XKR4: variants seen among roughly 807,000 people sequenced by gnomAD.
XKR4 encodes XK related 4.
Under a neutral mutation model 53.9 loss-of-function variants are expected in XKR4, and 12 were observed. The observed-to-expected ratio is 0.22, with a 90% CI of 0.14 to 0.36. XKR4 has a LOEUF of 0.36. Ranked by LOEUF, XKR4 falls within the 10% of genes least tolerant of loss-of-function variation. The probability of loss-of-function intolerance (pLI) is 1.00; values close to 1 mark genes in which losing one functional copy is unlikely to be tolerated. For missense variants in XKR4, 799 were observed against 859.5 expected, an observed-to-expected ratio of 0.93 and a Z score of 0.88; for synonymous variants, 354 against 362.4, an observed-to-expected ratio of 0.98 and a Z score of 0.26.
chr8:55,147,355 C>T lies in XKR4; in HGVS notation c.806+44061C>T, dbSNP rs149809107. On this transcript the variant is annotated intron_variant, in intron 1 of 2. Transcript: ENST00000327381. ...GAAAGCCTTGGGCCACTTAGGTGGA[C>T]CAGCCTCAAGAGTGAGCTGAGAATG... 1.6e-3 allele frequency among the ~76,000 whole-genome samples: 251 copies of T among 152,330 alleles called. 3 individuals are homozygous for T. In the South Asian group the frequency reaches 0.021, roughly 13 times the overall value.
chr8:55,372,957 T>G (rs550179890), intron 2 of XKR4, among the ~76,000 whole-genome samples: 1 of 152,278 alleles, frequency 6.6e-6, no homozygotes, highest in East Asian at 1.9e-4. Context: ...TCAATTGGTA[T>G]GTAAACGTTT....
At chr8:55,161,597 A>G (rs2129357122) in intron 1 of XKR4, 1 of 456,344 alleles carries the variant, frequency 2.2e-6, no homozygotes, top group Admixed American at 2.3e-5. Context: ...CATTTGTTAG[A>G]TGTGGACGAA....
At chr8:55,236,213 C>T (rs1305670763) in intron 1 of XKR4, among the ~76,000 whole-genome samples, 3 of 152,134 alleles carry the variant, frequency 2.0e-5, no homozygotes, top group Non-Finnish European at 4.4e-5. Flanking sequence ...CAGATCCTGG[C>T]AAAACAAAGA....
At chr8:55,222,329 A>G (rs1232203834) in intron 1 of XKR4, among the ~76,000 whole-genome samples, 1 of 152,188 alleles carries the variant, frequency 6.6e-6, no homozygotes, top group Non-Finnish European at 1.5e-5. Flanking sequence ...GTCCTATTGC[A>G]CTTTTAAAAC....
intron 1 of XKR4, among the ~76,000 whole-genome samples, chr8:55,185,727 C>T (rs1817368541): frequency 1.3e-5 from 2 of 152,192 alleles, no homozygotes. Flanking sequence ...CTATGTGCCT[C>T]ATGGCTCTAG....
chr8:55,204,395 T>C (rs541603998), intron 1 of XKR4, among the ~76,000 whole-genome samples: 2 of 152,358 alleles, frequency 1.3e-5, no homozygotes, highest in South Asian at 2.1e-4. Flanking sequence ...TATAATTTTT[T>C]CTTTTAAATA....
chr8:55,192,508 A>G (rs1386109113), intron 1 of XKR4, among the ~76,000 whole-genome samples: 3 of 152,172 alleles, frequency 2.0e-5, no homozygotes, highest in Non-Finnish European at 4.4e-5. Context: ...TTGAAAAGAA[A>G]GTCCAACTTT....
chr8:55,103,840 C>CA lies in XKR4; in HGVS notation c.806+549dup, dbSNP rs139121860. Among the ~76,000 whole-genome samples the CA allele has an allele frequency of 9.0e-3, 1,100 of 121,972 alleles. 13 individuals are homozygous for CA. The highest frequency in any genetic ancestry group is 0.031 in the African/African-American group (1,042 of 33,096). 80.0% of individuals were successfully genotyped at this position (121,972 alleles called of 152,430 possible). A position where few individuals can be genotyped will look rare whatever the true frequency, so the allele number is the denominator to read the frequency against. On this transcript the variant is annotated intron_variant, in intron 1 of 2. Transcript: ENST00000327381. ...TACTCAAAGTAAAGATCCTAATAGG[C>CA]AAATGACTTTGTATATATATATATA...
intron 2 of XKR4, among the ~76,000 whole-genome samples, chr8:55,369,602 C>G (rs1804044081): frequency 6.6e-6 from 1 of 151,770 alleles, no homozygotes; most frequent in African/African-American, 2.4e-5. Context: ...GAATAAAAAT[C>G]TTGCCCCTAA....
In XKR4 at chr8:55,318,316, T is replaced by TCAATAAATG. The variant is rs1162628417; in HGVS notation, c.807-39361_807-39353dup. 2.0e-5 allele frequency among the ~76,000 whole-genome samples: 3 copies of TCAATAAATG among 152,190 alleles called. No homozygotes were observed. In the East Asian group the frequency reaches 5.8e-4, roughly 29 times the overall value. The stretch of plus-strand genomic sequence containing the variant: ...AGTAGCATTATAAATATCTCAAACA[T>TCAATAAATG]CAATAAATGGTTGTTATGGAGTATT... On this transcript the variant is annotated intron_variant, in intron 1 of 2. Coordinates refer to ENST00000327381, the MANE Select transcript of XKR4 (RefSeq NM_052898.2).
chr8:55,463,151 C>T (rs889471074), intron 2 of XKR4, among the ~76,000 whole-genome samples: 8 of 152,172 alleles, frequency 5.3e-5, no homozygotes, highest in African/African-American at 1.9e-4. Flanking sequence ...GAACTCTCCA[C>T]CCCAAATCAA....
At chr8:55,429,674 C>T (rs138019580) in intron 2 of XKR4, among the ~76,000 whole-genome samples, 16 of 150,974 alleles carry the variant, frequency 1.1e-4, no homozygotes, top group Non-Finnish European at 2.1e-4. Context: ...AAGGTTACAG[C>T]GAGCAGAGCA....
At chr8:55,449,268 C>T (rs1805388692) in intron 2 of XKR4, among the ~76,000 whole-genome samples, 1 of 152,070 alleles carries the variant, frequency 6.6e-6, no homozygotes, top group South Asian at 2.1e-4. Flanking sequence ...ATTTACAGGC[C>T]CATTGCGGGC....
chr8:55,138,202 C>G (rs1026001890), intron 1 of XKR4, among the ~76,000 whole-genome samples: 4 of 152,104 alleles, frequency 2.6e-5, no homozygotes, highest in Non-Finnish European at 5.9e-5. Context: ...CCAGTTACTC[C>G]TTTATTGATA....
At chr8:55,366,861 A>G (rs750579103) in intron 2 of XKR4, among the ~76,000 whole-genome samples, 10 of 152,226 alleles carry the variant, frequency 6.6e-5, no homozygotes, top group Non-Finnish European at 8.8e-5. Flanking sequence ...CACTGCCATC[A>G]TCACACAAAC....
intron 1 of XKR4, among the ~76,000 whole-genome samples, chr8:55,235,924 C>T (rs1285921003): frequency 3.9e-5 from 6 of 152,182 alleles, no homozygotes; most frequent in Admixed American, 2.0e-4. Flanking sequence ...ATTTTTCATA[C>T]TGAGTTTGGC....
Position 55,190,927 on chromosome 8 carries a change from G to A in XKR4, c.806+87633G>A, listed in dbSNP as rs558937541. 3.6e-4 allele frequency among the ~76,000 whole-genome samples: 55 copies of A among 152,230 alleles called. 1 individual carries two copies. The South Asian group carries it at 9.8e-3, about 27-fold the overall frequency. On this transcript the variant is annotated intron_variant, in intron 1 of 2. Transcript: ENST00000327381. ...ATTAGCCTTTTCCTTCTCTCACTTC[G>A]TCTTATGTGGACTAGGCTTGCTGAT...
intron 2 of XKR4, among the ~76,000 whole-genome samples, chr8:55,416,531 A>G (rs1248337478): frequency 1.3e-5 from 2 of 152,198 alleles, no homozygotes; most frequent in Non-Finnish European, 2.9e-5. Flanking sequence ...TTGCTGATAG[A>G]AAGTCAGTCG....
chr8:55,138,311 A>T (rs1201144645), intron 1 of XKR4, among the ~76,000 whole-genome samples: 1 of 152,200 alleles, frequency 6.6e-6, no homozygotes, highest in Non-Finnish European at 1.5e-5. Flanking sequence ...TCATCTGTTG[A>T]TACCAAAACC....
Sources: gnomAD v4.1 joint callset for allele counts (sites outside exome capture counted in the v4.1 genomes callset) on GRCh38, gnomAD v4.1.1 for gene constraint, MANE v1.5 for transcripts, NCBI Gene and HGNC (gene_info 2026-07-23, HGNC 2026-07-21) for gene names.